The following CNTNAP4 variants were observed in gnomAD, a reference collection of about 807,000 sequenced individuals.
CNTNAP4 encodes the protein contactin associated protein family member 4.
Under a neutral mutation model 148.4 loss-of-function variants are expected in CNTNAP4, and 98 were observed. The observed-to-expected ratio is 0.66, with a 90% confidence interval of 0.56 to 0.78. The LOEUF is 0.78. Among genes scored for constraint, CNTNAP4 ranks in the 30% least tolerant of loss-of-function variants. The pLI is 0.00. For synonymous variants in CNTNAP4, 730 were observed against 565.1 expected (o/e 1.29, Z -4.14); for missense variants, 1,935 against 1,565.6 (o/e 1.24, Z -3.98).
At position 76,375,957 on chromosome 16, in the gene CNTNAP4, A is replaced by C. The variant is rs574454453; in HGVS notation, c.390+20446A>C. ...TCATGCAAGCTGTGTGACCTTGGGCAGTTGCTTTTACCTCCTCTGTAAAAT... is the reference window on the plus strand; with the variant it reads ...TCATGCAAGCTGTGTGACCTTGGGCCGTTGCTTTTACCTCCTCTGTAAAAT... On this transcript the variant is annotated intron_variant, in intron 3 of 23. Transcript: ENST00000611870. Among the ~76,000 whole-genome samples the C allele has an allele frequency of 7.9e-5, 12 of 152,304 alleles. No individual in the cohort carries two copies. In the East Asian group the frequency reaches 2.3e-3, roughly 29 times the overall value.
Position 76,346,375 on chromosome 16 carries a change from G to T in CNTNAP4, c.197-8943G>T, listed in dbSNP as rs1964900381. Among the ~76,000 whole-genome samples the T allele has an allele frequency of 2.7e-5, 4 of 147,394 alleles. No homozygotes were observed. In the Admixed American group the frequency reaches 2.8e-4, roughly 10 times the overall value. On this transcript the variant is annotated intron_variant, in intron 2 of 23. Transcript: ENST00000611870. ...ACTTCAGTTTGTTGACCCAGAAGGA[G>T]TGATATGAGAATATTTGGCTCATGA...
In CNTNAP4 at chr16:76,461,842, A is replaced by G. The variant is rs183834575; in HGVS notation, c.1334-114A>G. The G allele has an allele frequency of 4.3e-4, 330 of 776,446 alleles. 1 individual carries two copies. In the African/African-American group the frequency reaches 5.1e-3, roughly 12 times the overall value. 48.1% of individuals were successfully genotyped at this position (776,446 alleles called of 1,614,324 possible). A position where few individuals can be genotyped will look rare whatever the true frequency, so the allele number is the denominator to read the frequency against. Reference sequence around the variant, plus strand: ...CTTGTTGATGTCATTGTTTTTAATTAATAATAGAGTTAAGTACTGTAGCCA... The same window carrying G: ...CTTGTTGATGTCATTGTTTTTAATTGATAATAGAGTTAAGTACTGTAGCCA... On this transcript the variant is annotated intron_variant, in intron 8 of 23. Transcript: ENST00000611870.
intron 3 of CNTNAP4, among the ~76,000 whole-genome samples, chr16:76,381,783 G>C (rs747204081): frequency 6.6e-6 from 1 of 152,060 alleles, no homozygotes; most frequent in African/African-American, 2.4e-5. Context: ...GTTACCTGCC[G>C]GGTGCGGTGG....
intron 21 of CNTNAP4, among the ~76,000 whole-genome samples, 189 bp from the exon 22 acceptor site, chr16:76,553,094 A>C (rs1232588203): frequency 6.6e-6 from 1 of 152,218 alleles, no homozygotes; most frequent in African/African-American, 2.4e-5. Flanking sequence ...ACTTGACTTC[A>C]TTAACATTGG....
intron 2 of CNTNAP4, among the ~76,000 whole-genome samples, chr16:76,342,575 C>G (rs1488344767): frequency 6.7e-6 from 1 of 148,672 alleles, no homozygotes; most frequent in African/African-American, 2.5e-5. Flanking sequence ...GAGGTTCACA[C>G]CATTCTCCTG....
intron 12 of CNTNAP4, 145 bp from the exon 13 acceptor site, chr16:76,489,541 T>A: frequency 2.3e-6 from 1 of 426,818 alleles, no homozygotes; most frequent in Non-Finnish European, 4.1e-6. Flanking sequence ...GAGAATCCAT[T>A]TGTGTTGATT....
chr16:76,459,800 A>G (rs1346146167), intron 8 of CNTNAP4, among the ~76,000 whole-genome samples: 1 of 152,182 alleles, frequency 6.6e-6, no homozygotes, highest in Non-Finnish European at 1.5e-5. Flanking sequence ...TAAATTCACG[A>G]CAAAGACTCT....
chr16:76,349,209 T>C (rs1373839977), intron 2 of CNTNAP4, among the ~76,000 whole-genome samples: 1 of 152,152 alleles, frequency 6.6e-6, no homozygotes, highest in Non-Finnish European at 1.5e-5. Flanking sequence ...CAATACCTCC[T>C]ACAGCTTGAT....
At chr16:76,540,627 G>A in intron 20 of CNTNAP4, 76 bp from the exon 21 acceptor site, 1 of 1,057,696 alleles carries the variant, frequency 9.5e-7, no homozygotes, top group Non-Finnish European at 1.4e-6. Flanking sequence ...TTTTTCTCTT[G>A]TCCTCTGTTG....
chr16:76,364,861 A>G (rs1386311587), intron 3 of CNTNAP4, among the ~76,000 whole-genome samples: 1 of 152,190 alleles, frequency 6.6e-6, no homozygotes, highest in East Asian at 1.9e-4. Context: ...TTTGCTGTGC[A>G]GAAGCTCTCT....
chr16:76,277,752 G>A lies in CNTNAP4; in HGVS notation c.85+5G>A, dbSNP rs1321459781. ...GAGTCGAAGCTGGGAATTCCTGTAA[G>A]TATACAGCAAATGATTTAAAACTTG... On this transcript the variant is annotated splice_donor_5th_base_variant and intron_variant, in intron 1 of 23. Coordinates refer to ENST00000611870, the MANE Select transcript of CNTNAP4 (RefSeq NM_033401.5). 1 of 1,556,778 alleles carries A rather than the reference G, an allele frequency of 6.4e-7. No individual in the cohort carries two copies. The highest frequency in any genetic ancestry group is 2.3e-5 in the East Asian group (1 of 43,994).
At chr16:76,484,710 C>G (rs768860951) in intron 12 of CNTNAP4, among the ~76,000 whole-genome samples, 2 of 152,182 alleles carry the variant, frequency 1.3e-5, no homozygotes, top group Admixed American at 6.5e-5. Flanking sequence ...AGATCAAGCA[C>G]TGGTCTCTTT....
intron 1 of CNTNAP4, among the ~76,000 whole-genome samples, chr16:76,294,612 T>G (rs1959192080): frequency 6.6e-6 from 1 of 152,190 alleles, no homozygotes; most frequent in Middle Eastern, 3.2e-3. Flanking sequence ...TTACATTCCT[T>G]GGATAGTTTT....
intron 15 of CNTNAP4, among the ~76,000 whole-genome samples, chr16:76,518,362 A>C (rs1334249354): frequency 1.3e-5 from 2 of 152,126 alleles, no homozygotes; most frequent in African/African-American, 4.8e-5. Flanking sequence ...TCCTGACCTC[A>C]AGTGATCTGC....
At chr16:76,492,768 C>G (rs1034193645) in intron 13 of CNTNAP4, among the ~76,000 whole-genome samples, 7 of 152,126 alleles carry the variant, frequency 4.6e-5, no homozygotes, top group Non-Finnish European at 8.8e-5. Flanking sequence ...CCTTCCTTGC[C>G]TTCTGCCATG....
At chr16:76,512,904 T>G (rs1160426453) in intron 15 of CNTNAP4, among the ~76,000 whole-genome samples, 1 of 152,172 alleles carries the variant, frequency 6.6e-6, no homozygotes, top group East Asian at 1.9e-4. Context: ...AAGATAAAAC[T>G]GAGAACTGAT....
At chr16:76,398,503 G>T (rs571541941) in intron 3 of CNTNAP4, among the ~76,000 whole-genome samples, 1 of 152,006 alleles carries the variant, frequency 6.6e-6, no homozygotes, top group African/African-American at 2.4e-5. Context: ...CTCAGCCACC[G>T]CACTGCAAAG....
intron 3 of CNTNAP4, among the ~76,000 whole-genome samples, chr16:76,365,602 A>G (rs1312997679): frequency 6.6e-6 from 1 of 151,924 alleles, no homozygotes; most frequent in Non-Finnish European, 1.5e-5. Flanking sequence ...AATACAAAAA[A>G]TTACCCGGGT....
At chr16:76,510,581 G>A (rs2082978281) in intron 15 of CNTNAP4, among the ~76,000 whole-genome samples, 1 of 152,058 alleles carries the variant, frequency 6.6e-6, no homozygotes, top group African/African-American at 2.4e-5. Context: ...GGCATGCTGT[G>A]TAACCTTCAG....
Sources: gnomAD v4.1 joint callset for allele counts (sites outside exome capture counted in the v4.1 genomes callset) on GRCh38, gnomAD v4.1.1 for gene constraint, MANE v1.5 for transcripts, NCBI Gene and HGNC (gene_info 2026-07-23, HGNC 2026-07-21) for gene names.